The following ARHGAP15 variants were observed in gnomAD, a reference collection of about 807,000 sequenced individuals.
ARHGAP15 encodes the protein Rho GTPase activating protein 15.
A neutral mutation model predicts 63.7 loss-of-function variants in ARHGAP15; 51 were observed. The ratio of observed to expected loss-of-function variants is 0.80; its 90% CI spans 0.64 to 1.01. The LOEUF is 1.01. ARHGAP15 is among the 50% of genes least tolerant of loss of function. ARHGAP15 has a pLI of 0.00. For synonymous variants in ARHGAP15, 191 were observed against 193.8 expected (o/e 0.99, Z 0.12); for missense variants, 560 against 564.6 (o/e 0.99, Z 0.08).
intron 11 of ARHGAP15, among the ~76,000 whole-genome samples, chr2:143,562,024 A>C (rs993855487): frequency 1.2e-4 from 18 of 152,224 alleles, no homozygotes; most frequent in Non-Finnish European, 4.4e-5. Flanking sequence ...TTATCTACCC[A>C]GATTTTATTG....
In ARHGAP15 at chr2:143,541,934, G is replaced by A. The variant is rs902527488; in HGVS notation, c.926-14474G>A. 3.3e-5 allele frequency among the ~76,000 whole-genome samples: 5 copies of A among 152,204 alleles called. 1 individual carries two copies. In the South Asian group the frequency reaches 8.3e-4, roughly 25 times the overall value. On this transcript the variant is annotated intron_variant, in intron 10 of 13. Transcript: ENST00000295095. ...GACAGGGACCTTTAAGTCTGCAGAG[G>A]TTATTGCTGTCTTTTGTTTGTCTGT... is the stretch of plus-strand genomic sequence containing the variant.
intron 12 of ARHGAP15, among the ~76,000 whole-genome samples, chr2:143,703,187 G>C (rs1264162411): frequency 3.9e-5 from 6 of 152,152 alleles, no homozygotes; most frequent in Non-Finnish European, 8.8e-5. Context: ...AAGGCTAAAA[G>C]CTAATCAGTT....
intron 6 of ARHGAP15, among the ~76,000 whole-genome samples, chr2:143,399,933 A>G (rs1687924796): frequency 6.6e-6 from 1 of 152,118 alleles, no homozygotes; most frequent in African/African-American, 2.4e-5. Context: ...TAAGCAACAG[A>G]TTAGTCAACA....
At chr2:143,384,382 A>G (rs1687180257) in intron 6 of ARHGAP15, among the ~76,000 whole-genome samples, 2 of 152,074 alleles carry the variant, frequency 1.3e-5, no homozygotes, top group South Asian at 4.1e-4. Flanking sequence ...ATCTGTTTTT[A>G]TTTCATTTTT....
intron 11 of ARHGAP15, among the ~76,000 whole-genome samples, chr2:143,622,734 C>T (rs1406542558): frequency 2.9e-5 from 4 of 136,610 alleles, no homozygotes; most frequent in Non-Finnish European, 6.1e-5. Context: ...CACTGTTGAG[C>T]AGGAACACCA....
chr2:143,225,263 T>C (rs1227386664), intron 4 of ARHGAP15, among the ~76,000 whole-genome samples: 4 of 151,928 alleles, frequency 2.6e-5, no homozygotes, highest in Non-Finnish European at 5.9e-5. Context: ...TTCAAAAAAA[T>C]ATGTATTGAG....
intron 8 of ARHGAP15, among the ~76,000 whole-genome samples, chr2:143,459,891 T>C (rs1268301137): frequency 6.6e-6 from 1 of 152,148 alleles, no homozygotes; most frequent in African/African-American, 2.4e-5. Flanking sequence ...ATACTTAGAA[T>C]AAACGTGCAT....
chr2:143,507,852 T>C (rs2104949907), intron 9 of ARHGAP15, among the ~76,000 whole-genome samples: 1 of 152,276 alleles, frequency 6.6e-6, no homozygotes, highest in South Asian at 2.1e-4. Context: ...AAATATATTC[T>C]AAATTCAACC....
chr2:143,369,716 G>A (rs1686458760), intron 6 of ARHGAP15, among the ~76,000 whole-genome samples: 1 of 152,032 alleles, frequency 6.6e-6, no homozygotes, highest in Admixed American at 6.6e-5. Flanking sequence ...TATATACTGA[G>A]ACCATTTTAG....
At chr2:143,267,456 G>A (rs1681052690) in intron 6 of ARHGAP15, among the ~76,000 whole-genome samples, 1 of 152,150 alleles carries the variant, frequency 6.6e-6, no homozygotes, top group Admixed American at 6.5e-5. Context: ...ATTTGGAAGT[G>A]TTGGGAATAT....
intron 5 of ARHGAP15, among the ~76,000 whole-genome samples, chr2:143,239,380 T>A (rs1001140448): frequency 6.6e-6 from 1 of 152,202 alleles, no homozygotes; most frequent in East Asian, 1.9e-4. Context: ...TGCTGTACAA[T>A]GGATCTCTAG....
At chr2:143,211,780 C>T (rs1490563830) in intron 3 of ARHGAP15, among the ~76,000 whole-genome samples, 3 of 152,122 alleles carry the variant, frequency 2.0e-5, no homozygotes, top group African/African-American at 7.2e-5. Flanking sequence ...TTGAGTCTAT[C>T]TCACAGTACA....
At chr2:143,526,315 C>T (rs546367412) in intron 10 of ARHGAP15, among the ~76,000 whole-genome samples, 1 of 151,850 alleles carries the variant, frequency 6.6e-6, no homozygotes. Flanking sequence ...GCGGATATTC[C>T]CACACTTTAA....
At chr2:143,165,963 A>G (rs1690490380) in intron 2 of ARHGAP15, among the ~76,000 whole-genome samples, 1 of 85,888 alleles carries the variant, frequency 1.2e-5, no homozygotes, top group Non-Finnish European at 2.6e-5. Flanking sequence ...AGAAAGAGAG[A>G]AAGAAAGAAA....
chr2:143,636,622 G>A (rs941530790), intron 12 of ARHGAP15, among the ~76,000 whole-genome samples: 2 of 152,220 alleles, frequency 1.3e-5, no homozygotes. Flanking sequence ...ATTTCCAGCA[G>A]GATCTTTTTC....
intron 6 of ARHGAP15, among the ~76,000 whole-genome samples, chr2:143,419,991 G>A (rs906100639): frequency 2.0e-5 from 3 of 152,134 alleles, no homozygotes; most frequent in African/African-American, 7.2e-5. Flanking sequence ...TTAGACGGCA[G>A]GTTTAGGGAA....
Position 143,413,672 on chromosome 2 carries a change from C to T in ARHGAP15, c.475-21929C>T, listed in dbSNP as rs77887260. The stretch of plus-strand genomic sequence containing the variant: ...TATGTTTTGTAAAGATGGGGTCTTA[C>T]TATGTTGCCCAGGCTGATTCTGAAC... On this transcript the variant is annotated intron_variant, in intron 6 of 13. Transcript: ENST00000295095. Among the ~76,000 whole-genome samples, 1,290 of 152,216 alleles carry T rather than the reference C, an allele frequency of 8.5e-3. 22 individuals are homozygous for T. Among genetic ancestry groups the T allele is most frequent in the African/African-American group, 0.03 (1,231 of 41,522 alleles).
chr2:143,450,471 T>C (rs763258853), intron 8 of ARHGAP15, among the ~76,000 whole-genome samples: 4 of 152,058 alleles, frequency 2.6e-5, no homozygotes, highest in Non-Finnish European at 5.9e-5. Context: ...TATTAGAACA[T>C]CTGTGTTGTG....
intron 6 of ARHGAP15, among the ~76,000 whole-genome samples, chr2:143,274,258 G>A (rs954350017): frequency 6.6e-6 from 1 of 151,912 alleles, no homozygotes; most frequent in African/African-American, 2.4e-5. Flanking sequence ...TGTCTTTAAA[G>A]TTCAGAATTT....
Sources: allele counts gnomAD v4.1 joint callset (sites outside exome capture counted in the v4.1 genomes callset), GRCh38; gene constraint gnomAD v4.1.1; transcripts MANE v1.5; gene names NCBI Gene and HGNC (gene_info 2026-07-23, HGNC 2026-07-21).